WIPI1: variants seen among roughly 807,000 people sequenced by gnomAD.
The protein encoded by WIPI1 is WD repeat domain phosphoinositide-interacting protein 1.
Under a neutral mutation model 55.3 loss-of-function variants are expected in WIPI1, and 45 were observed. The ratio of observed to expected loss-of-function variants is 0.81; its 90% CI spans 0.64 to 1.04. The LOEUF (loss-of-function observed/expected upper bound fraction) is 1.04, where lower values mean the gene tolerates loss of function less well. WIPI1 is among the 50% of genes least tolerant of loss of function. The pLI is 0.00. For synonymous variants in WIPI1, 195 were observed against 217.6 expected (o/e 0.90, Z 0.92); for missense variants, 445 against 559.0 (o/e 0.80, Z 2.06).
chr17:68,426,239 G>A lies in WIPI1; in HGVS notation c.1193-64C>T, dbSNP rs966944376. ...ATCTGCTTTTATGCCATGACCTGGC[G>A]GGTGGGGAGCGGGGGCTCAAATAAA... On this transcript the variant is annotated intron_variant, in intron 11 of 12. Coordinates refer to ENST00000262139, the MANE Select transcript of WIPI1 (RefSeq NM_017983.7). 5.2e-5 allele frequency: 61 copies of A among 1,170,174 alleles called. 1 individual carries two copies. The Admixed American group carries it at 1.0e-3, about 19-fold the overall frequency. The allele number at this position is 1,170,174 out of a possible 1,614,324, so 72.5% of individuals were successfully genotyped here.
At position 68,435,809 on chromosome 17, in the gene WIPI1, T is replaced by C. The variant is rs75391515; in HGVS notation, c.529-97A>G. 2,182 of 1,104,002 alleles carry C rather than the reference T, an allele frequency of 2.0e-3. 40 individuals carry two copies. In the African/African-American group the frequency reaches 0.028, roughly 14 times the overall value. 68.4% of individuals were successfully genotyped at this position (1,104,002 alleles called of 1,614,324 possible). The stretch of plus-strand genomic sequence containing the variant: ...CCTCTTTTCTCCTTTCTCCCTCCTT[T>C]GTCCAGCTCCCTGTCTCTTCCTCTG... On this transcript the variant is annotated intron_variant, in intron 5 of 12. Coordinates refer to ENST00000262139, the MANE Select transcript of WIPI1 (RefSeq NM_017983.7).
chr17:68,448,399 C>T (rs1355605996), intron 3 of WIPI1: 1 of 152,188 alleles, frequency 6.6e-6, no homozygotes, highest in Non-Finnish European at 1.5e-5. Context: ...TTGGTTCCGA[C>T]GTTAGATCTT....
chr17:68,447,643 G>A (rs919873231), intron 3 of WIPI1, among the ~76,000 whole-genome samples: 1 of 151,854 alleles, frequency 6.6e-6, no homozygotes, highest in Non-Finnish European at 1.5e-5. Context: ...CTCCTGCCTC[G>A]GCCTCCTGAA....
At chr17:68,440,176 A>T (rs1402949820) in intron 4 of WIPI1, among the ~76,000 whole-genome samples, 1 of 152,196 alleles carries the variant, frequency 6.6e-6, no homozygotes, top group Non-Finnish European at 1.5e-5. Flanking sequence ...CTACCAATCC[A>T]TCTGAATTTA....
chr17:68,438,237 C>T (rs1170750034), intron 4 of WIPI1, among the ~76,000 whole-genome samples: 14 of 142,496 alleles, frequency 9.8e-5, no homozygotes, highest in African/African-American at 3.0e-4. Context: ...TTTAACTGCA[C>T]GTTCTGGCAG....
chr17:68,456,484 G>T (rs1338230817), intron 1 of WIPI1, among the ~76,000 whole-genome samples: 1 of 142,172 alleles, frequency 7.0e-6, no homozygotes, highest in African/African-American at 2.6e-5. Context: ...CCCAGGGCTC[G>T]CTTCCATGAA....
At chr17:68,438,082 G>A (rs1209859960) in intron 4 of WIPI1, among the ~76,000 whole-genome samples, 2 of 152,068 alleles carry the variant, frequency 1.3e-5, no homozygotes, top group Admixed American at 6.5e-5. Context: ...GCTGAGGAAG[G>A]AGAGCAAAGG....
At chr17:68,434,417 T>A in intron 7 of WIPI1, 139 bp downstream of exon 7, 1 of 783,582 alleles carries the variant, frequency 1.3e-6, no homozygotes, top group Non-Finnish European at 2.0e-6. Context: ...GGGAGTCAAT[T>A]ACCTGGGAGA....
At chr17:68,435,149 G>A (rs533697816) in intron 6 of WIPI1, among the ~76,000 whole-genome samples, 1 of 151,440 alleles carries the variant, frequency 6.6e-6, no homozygotes, top group South Asian at 2.1e-4. Flanking sequence ...GGAGGTTGCA[G>A]TGAGCCGAGA....
intron 6 of WIPI1, 56 bp from the exon 7 acceptor site, chr17:68,434,682 G>A: frequency 1.9e-6 from 3 of 1,577,998 alleles, no homozygotes; most frequent in Non-Finnish European, 2.6e-6. Flanking sequence ...ACACAGAGAT[G>A]TCCCTTTAGA....
At chr17:68,426,247 A>AGGGGGGGG in intron 11 of WIPI1, 72 bp from the exon 12 acceptor site, 3 of 655,812 alleles carry the variant, frequency 4.6e-6, no homozygotes, top group East Asian at 4.3e-5. Flanking sequence ...GCGGGTGGGG[A>AGGGGGGGG]GCGGGGGCTC....
intron 6 of WIPI1, 86 bp downstream of exon 6, chr17:68,435,534 C>T (rs1381234556): frequency 4.5e-6 from 6 of 1,321,468 alleles, no homozygotes; most frequent in Non-Finnish European, 6.5e-6. Context: ...GTCTTCATGT[C>T]ACCAGGTTTG....
intron 8 of WIPI1, among the ~76,000 whole-genome samples, chr17:68,431,783 A>AAGAG (rs1555800118): frequency 3.8e-3 from 32 of 8,466 alleles, no homozygotes; most frequent in South Asian, 6.2e-3. Context: ...TTGAGCGGAG[A>AAGAG]ACCCAGAACA....
intron 4 of WIPI1, among the ~76,000 whole-genome samples, chr17:68,441,369 T>C (rs992925054): frequency 2.0e-5 from 3 of 152,248 alleles, no homozygotes; most frequent in African/African-American, 4.8e-5. Flanking sequence ...TTGTAGTTTA[T>C]GAAGTCAAAA....
chr17:68,436,189 C>CA (rs1248031943), intron 5 of WIPI1, among the ~76,000 whole-genome samples, 193 bp downstream of exon 5: 1 of 152,208 alleles, frequency 6.6e-6, no homozygotes, highest in Non-Finnish European at 1.5e-5. Context: ...TTGGCCTGGC[C>CA]AGCTGGCTTA....
rs183103522 is a variant in WIPI1, at chr17:68,433,684, G to C, written c.693-109C>G. 287 of 718,016 alleles carry C rather than the reference G, an allele frequency of 4.0e-4. No homozygotes were observed. In the African/African-American group the frequency reaches 4.9e-3, roughly 12 times the overall value. The allele number at this position is 718,016 out of a possible 1,614,324, so 44.5% of individuals were successfully genotyped here. ...AATCAGATGTATCCTGAAGAGCCTA[G>C]GTAGACCCAGATCCCTTAAACACTG... On this transcript the variant is annotated intron_variant, in intron 7 of 12. Coordinates refer to ENST00000262139, the MANE Select transcript of WIPI1 (RefSeq NM_017983.7).
rs1433033488 is a variant in WIPI1, at chr17:68,437,141, G to A, written c.431-662C>T. Among the ~76,000 whole-genome samples the A allele has an allele frequency of 3.3e-5, 5 of 152,006 alleles. No homozygotes were observed. The East Asian group carries it at 9.6e-4, about 29-fold the overall frequency. ...GGTTACAAGAGATTTCCTCAAAACTGAAATAAATCTTCCTATAGTGAAAAG... is the reference window on the plus strand; with the variant it reads ...GGTTACAAGAGATTTCCTCAAAACTAAAATAAATCTTCCTATAGTGAAAAG... On this transcript the variant is annotated intron_variant, in intron 4 of 12. Transcript: ENST00000262139.
At chr17:68,448,511 C>T (rs1355274545) in intron 3 of WIPI1, 3 of 152,096 alleles carry the variant, frequency 2.0e-5, no homozygotes, top group Admixed American at 2.0e-4. Context: ...GAGAACCTCA[C>T]AGTTAATGAG....
At chr17:68,432,192 CA>C (rs922687652) in intron 8 of WIPI1, among the ~76,000 whole-genome samples, 32 of 152,194 alleles carry the variant, frequency 2.1e-4, no homozygotes, top group African/African-American at 7.7e-4. Context: ...GAGCCGCCCC[CA>C]GTGTTTCATA....
Sources: gnomAD v4.1 joint callset for allele counts (sites outside exome capture counted in the v4.1 genomes callset) on GRCh38, gnomAD v4.1.1 for gene constraint, MANE v1.5 for transcripts, NCBI Gene and HGNC (gene_info 2026-07-23, HGNC 2026-07-21) for gene names.